Variants in QRICH1 observed in about 807,000 individuals in gnomAD.
QRICH1 encodes transcriptional regulator QRICH1.
Under a neutral mutation model 87.1 loss-of-function variants are expected in QRICH1, and 16 were observed. That is an observed-to-expected ratio of 0.18 (90% confidence interval 0.12 to 0.28). The LOEUF (loss-of-function observed/expected upper bound fraction) is 0.28. Among genes scored for constraint, QRICH1 ranks in the 10% least tolerant of loss-of-function variants. The pLI is 1.00. For missense variants in QRICH1, 647 were observed against 951.7 expected (o/e 0.68, Z 4.21); for synonymous variants, 367 against 368.4 (o/e 1.00, Z 0.05).
At chr3:49,048,554 C>T (rs1179222463) in intron 3 of QRICH1, among the ~76,000 whole-genome samples, 3 of 150,790 alleles carry the variant, frequency 2.0e-5, no homozygotes, top group Non-Finnish European at 3.0e-5. Context: ...TTTGGGAGGC[C>T]GAGGTGGGTG....
chr3:49,052,846 T>A (rs759558522), intron 3 of QRICH1, among the ~76,000 whole-genome samples: 1 of 152,148 alleles, frequency 6.6e-6, no homozygotes, highest in Non-Finnish European at 1.5e-5. Context: ...TGTCACTTAA[T>A]CTCTCTGTGC....
chr3:49,072,118 G>C (rs1360279150), intron 2 of QRICH1, among the ~76,000 whole-genome samples: 1 of 152,090 alleles, frequency 6.6e-6, no homozygotes, highest in Non-Finnish European at 1.5e-5. Flanking sequence ...ATCACTTAAA[G>C]TCAGGAGTTC....
intron 3 of QRICH1, among the ~76,000 whole-genome samples, chr3:49,048,352 G>A (rs2093350572): frequency 2.0e-5 from 3 of 151,460 alleles, no homozygotes; most frequent in Admixed American, 2.0e-4. Flanking sequence ...GGCTGGTCTT[G>A]ACTCCCATCT....
intron 1 of QRICH1, among the ~76,000 whole-genome samples, chr3:49,080,022 C>G (rs1176310158): frequency 9.9e-6 from 1 of 100,850 alleles, no homozygotes; most frequent in Non-Finnish European, 2.0e-5. Context: ...GACTGAGACT[C>G]TATCTCAAAA....
In QRICH1 at chr3:49,040,617, T is replaced by C. The variant is rs1030167470; in HGVS notation, c.1786+3773A>G. Among the ~76,000 whole-genome samples, 135 of 152,190 alleles carry C rather than the reference T, an allele frequency of 8.9e-4. 1 individual carries two copies. The highest frequency in any genetic ancestry group is 1.2e-3 in the Non-Finnish European group (85 of 68,024). ...GCACTCAAAAAATTTGTCTAACCAG[T>C]AAGTTTCTTTTTTAAGGGTAAAGCA... On this transcript the variant is annotated intron_variant, in intron 6 of 9. Transcript: ENST00000395443.
At chr3:49,074,872 G>A (rs886938277) in intron 2 of QRICH1, among the ~76,000 whole-genome samples, 3 of 151,866 alleles carry the variant, frequency 2.0e-5, no homozygotes, top group Admixed American at 2.0e-4. Context: ...CCAGCTACCT[G>A]GGAGGCTGAG....
intron 2 of QRICH1, among the ~76,000 whole-genome samples, chr3:49,067,590 T>C (rs1183165175): frequency 6.6e-6 from 1 of 150,986 alleles, no homozygotes; most frequent in Non-Finnish European, 1.5e-5. Flanking sequence ...AAAAAAGAAA[T>C]TAAATGTTAT....
rs2093339206 is a variant in QRICH1 at position 49,046,284 on chromosome 3, A to T, written c.1671+141T>A. The T allele has an allele frequency of 1.4e-5, 13 of 912,672 alleles. No individual in the cohort carries two copies. In the South Asian group the frequency reaches 2.8e-4, roughly 20 times the overall value. 56.5% of individuals were successfully genotyped at this position (912,672 alleles called of 1,614,324 possible). On this transcript the variant is annotated intron_variant, in intron 5 of 9. Transcript: ENST00000395443. ...ACTTAAAAAAAAAAAAAAAACAACA[A>T]ATGTGTATTTTAAAACTCACTGTAT...
intron 1 of QRICH1, chr3:49,083,514 A>T (rs987174054): frequency 6.6e-6 from 1 of 152,156 alleles, no homozygotes; most frequent in Non-Finnish European, 1.5e-5. Flanking sequence ...CCTGGGCACC[A>T]CAGTGAGATC....
intron 6 of QRICH1, among the ~76,000 whole-genome samples, chr3:49,041,876 C>T (rs2093312313): frequency 6.6e-6 from 1 of 151,912 alleles, no homozygotes; most frequent in African/African-American, 2.4e-5. Flanking sequence ...GATCTACCTG[C>T]CTCAGCCTCC....
chr3:49,076,417 C>T (rs560694918), intron 2 of QRICH1, among the ~76,000 whole-genome samples: 2 of 152,122 alleles, frequency 1.3e-5, no homozygotes, highest in South Asian at 4.2e-4. Flanking sequence ...GAACCTGATG[C>T]TAAACCAATC....
Position 49,033,149 on chromosome 3 carries a change from CA to C in QRICH1, c.1865del (p.Leu622CysfsTer2). 6.3e-7 allele frequency: 1 copy of C among 1,577,016 alleles called. No individual in the cohort carries two copies. The highest frequency in any genetic ancestry group is 1.2e-5 in the South Asian group (1 of 85,036). ...TATTAAAGAACATGAGGGTGGTCAGCAAGGTGGAGGGGGAGTGAGCCCCAAG... is the reference window on the plus strand; with the variant it reads ...TATTAAAGAACATGAGGGTGGTCAGCAGGTGGAGGGGGAGTGAGCCCCAAG... ...KQLGAHSPST[L>X]LTTLMFFNTK... On this transcript the variant is annotated frameshift_variant, in exon 7 of 10. Transcript: ENST00000395443. LOFTEE classifies it high-confidence loss of function.
chr3:49,058,130 C>A (rs976800029), intron 2 of QRICH1: 9 of 652,250 alleles, frequency 1.4e-5, no homozygotes, highest in Non-Finnish European at 2.2e-5. Context: ...TTAACTGGGG[C>A]CTAAAAAGGA....
At chr3:49,039,463 T>C (rs538730493) in intron 6 of QRICH1, among the ~76,000 whole-genome samples, 31 of 149,982 alleles carry the variant, frequency 2.1e-4, no homozygotes, top group Non-Finnish European at 3.4e-4. Flanking sequence ...GGCCGATCAC[T>C]TGAGGCCAGA....
chr3:49,031,577 A>G (rs2093240070), intron 9 of QRICH1, among the ~76,000 whole-genome samples: 1 of 152,210 alleles, frequency 6.6e-6, no homozygotes, highest in South Asian at 2.1e-4. Flanking sequence ...ACAAAATAAA[A>G]AACAGTGATA....
intron 2 of QRICH1, among the ~76,000 whole-genome samples, chr3:49,076,200 A>C (rs2041947102): frequency 6.6e-6 from 1 of 152,216 alleles, no homozygotes; most frequent in Admixed American, 6.5e-5. Context: ...AAAAAAGAAG[A>C]AACAAACAAA....
chr3:49,063,875 G>A (rs1020880815), intron 2 of QRICH1, among the ~76,000 whole-genome samples: 1 of 152,086 alleles, frequency 6.6e-6, no homozygotes, highest in Non-Finnish European at 1.5e-5. Flanking sequence ...ATATTTACTT[G>A]TACTCTAAAT....
intron 2 of QRICH1, among the ~76,000 whole-genome samples, chr3:49,064,744 A>C (rs1163359636): frequency 6.6e-6 from 1 of 152,152 alleles, no homozygotes. Context: ...AGCCAGATGC[A>C]GTGGCTCATG....
chr3:49,059,752 G>A (rs569023119), intron 2 of QRICH1, among the ~76,000 whole-genome samples: 8 of 146,944 alleles, frequency 5.4e-5, no homozygotes, highest in East Asian at 2.1e-4. Flanking sequence ...ATGGAGTTTC[G>A]CTCGTTCCCC....
Sources: allele counts gnomAD v4.1 joint callset (sites outside exome capture counted in the v4.1 genomes callset), GRCh38; gene constraint gnomAD v4.1.1; transcripts MANE v1.5; gene names NCBI Gene and HGNC (gene_info 2026-07-23, HGNC 2026-07-21).